CAPZA1: variants seen among roughly 807,000 people sequenced by gnomAD.
The protein encoded by CAPZA1 is capping actin protein of muscle Z-line subunit alpha 1.
Under a neutral mutation model 40.8 loss-of-function variants are expected in CAPZA1, and 10 were observed. The observed-to-expected ratio is 0.25, with a 90% CI of 0.15 to 0.42. The LOEUF (loss-of-function observed/expected upper bound fraction) is 0.42, where lower values mean the gene tolerates loss of function less well. Ranked by LOEUF, CAPZA1 falls within the 10% of genes least tolerant of loss-of-function variation. The pLI is 1.00. For missense variants in CAPZA1, 277 were observed against 353.8 expected (o/e 0.78, Z 1.74); for synonymous variants, 98 against 115.0 (o/e 0.85, Z 0.95).
intron 1 of CAPZA1, among the ~76,000 whole-genome samples, chr1:112,633,986 C>A (rs1015876772): frequency 6.6e-6 from 1 of 152,062 alleles, no homozygotes; most frequent in Non-Finnish European, 1.5e-5. Context: ...TTGGTATTAG[C>A]CCTTTATCAG....
chr1:112,620,215 A>G (rs1190912960), intron 1 of CAPZA1: 1 of 246,320 alleles, frequency 4.1e-6, no homozygotes, highest in Non-Finnish European at 7.8e-6. Flanking sequence ...ATGTTGCGAC[A>G]TATCAAAAAG....
chr1:112,621,547 C>A (rs1031979865), intron 1 of CAPZA1, among the ~76,000 whole-genome samples: 8 of 151,982 alleles, frequency 5.3e-5, no homozygotes, highest in African/African-American at 1.9e-4. Context: ...CCACCGCGGC[C>A]GGCCAAAATT....
intron 8 of CAPZA1, 34 bp downstream of exon 8, chr1:112,667,179 A>G (rs746377462): frequency 2.1e-6 from 3 of 1,440,052 alleles, no homozygotes; most frequent in South Asian, 2.4e-5. Flanking sequence ...TGTCTTACTC[A>G]TGTCTCGTTT....
At chr1:112,669,936 G>A in intron 9 of CAPZA1, 56 bp from the exon 10 acceptor site, 1 of 1,603,798 alleles carries the variant, frequency 6.2e-7, no homozygotes, top group Non-Finnish European at 8.5e-7. Context: ...TTACTTTTCT[G>A]TTCACAACCA....
chr1:112,622,800 A>G (rs1271022018), intron 1 of CAPZA1, among the ~76,000 whole-genome samples: 1 of 152,212 alleles, frequency 6.6e-6, no homozygotes, highest in Admixed American at 6.5e-5. Flanking sequence ...AAGTTTATCA[A>G]AATTATTTAG....
At chr1:112,666,580 TTCTG>T (rs1274284802) in intron 7 of CAPZA1, among the ~76,000 whole-genome samples, 1 of 152,234 alleles carries the variant, frequency 6.6e-6, no homozygotes, top group Admixed American at 6.5e-5. Flanking sequence ...ATATTTGTTT[TTCTG>T]TCCTGTCTTT....
chr1:112,649,676 T>C, intron 3 of CAPZA1: 2 of 513,012 alleles, frequency 3.9e-6, no homozygotes, highest in Non-Finnish European at 6.8e-6. Context: ...ATATATGAAC[T>C]AGTTTTTATT....
intron 3 of CAPZA1, 69 bp downstream of exon 3, chr1:112,649,538 A>G (rs1298362788): frequency 8.1e-7 from 1 of 1,236,258 alleles, no homozygotes; most frequent in African/African-American, 1.5e-5. Context: ...ACAGTAAACT[A>G]GCACCCTGAA....
chr1:112,650,644 A>T (rs373894398), intron 3 of CAPZA1, among the ~76,000 whole-genome samples: 6 of 152,326 alleles, frequency 3.9e-5, no homozygotes, highest in African/African-American at 1.4e-4. Flanking sequence ...AAGTTCTTCA[A>T]TTTGCCTGCC....
chr1:112,665,472 G>T (rs188413473), intron 7 of CAPZA1, among the ~76,000 whole-genome samples: 1 of 152,086 alleles, frequency 6.6e-6, no homozygotes, highest in South Asian at 2.1e-4. Flanking sequence ...AAACCACCGC[G>T]CCCGGCCTTG....
intron 3 of CAPZA1, among the ~76,000 whole-genome samples, chr1:112,652,018 G>A (rs980824511): frequency 4.6e-5 from 7 of 152,114 alleles, no homozygotes; most frequent in African/African-American, 1.7e-4. Context: ...TTACTTGGGA[G>A]GCTGAGGCAG....
In CAPZA1 at chr1:112,623,067, A is replaced by G. The variant is rs373072486; in HGVS notation, c.39+3184A>G. Among the ~76,000 whole-genome samples, 49 of 152,078 alleles carry G rather than the reference A, an allele frequency of 3.2e-4. 1 individual carries two copies. The South Asian group carries it at 9.6e-3, about 30-fold the overall frequency. The stretch of plus-strand genomic sequence containing the variant: ...CACCCGGCTAATTTTTTGTATTTTT[A>G]GTAGAGACAGGGTTTCAATATGTTG... On this transcript the variant is annotated intron_variant, in intron 1 of 9. Transcript: ENST00000263168.
chr1:112,644,087 C>T (rs1250264642), intron 1 of CAPZA1, among the ~76,000 whole-genome samples: 2 of 151,626 alleles, frequency 1.3e-5, no homozygotes, highest in Non-Finnish European at 2.9e-5. Context: ...TCAAATGATC[C>T]ACCTGCCTCA....
intron 3 of CAPZA1, among the ~76,000 whole-genome samples, chr1:112,652,719 T>C (rs968445891): frequency 6.6e-6 from 1 of 152,100 alleles, no homozygotes; most frequent in African/African-American, 2.4e-5. Flanking sequence ...CAGTCTATTT[T>C]AATAGGTTAA....
chr1:112,669,006 A>G (rs540854599), intron 8 of CAPZA1, among the ~76,000 whole-genome samples: 9 of 152,324 alleles, frequency 5.9e-5, no homozygotes, highest in Middle Eastern at 3.4e-3. Flanking sequence ...GTTGTACTTA[A>G]TGGTAACAGG....
intron 6 of CAPZA1, 153 bp downstream of exon 6, chr1:112,659,254 G>A (rs545948980): frequency 4.1e-5 from 25 of 607,898 alleles, no homozygotes; most frequent in African/African-American, 3.9e-4. Flanking sequence ...CAGTTCTAAG[G>A]TTTTATAATT....
intron 1 of CAPZA1, among the ~76,000 whole-genome samples, chr1:112,629,472 T>C (rs180955510): frequency 1.3e-5 from 2 of 152,350 alleles, no homozygotes; most frequent in East Asian, 3.9e-4. Flanking sequence ...GACAGTATGC[T>C]AGTGAGTCAC....
At chr1:112,657,694 C>T (rs773348050) in intron 5 of CAPZA1, among the ~76,000 whole-genome samples, 5 of 151,982 alleles carry the variant, frequency 3.3e-5, no homozygotes, top group Admixed American at 6.6e-5. Flanking sequence ...CAGGTTCAAG[C>T]GATTTTCCTG....
intron 7 of CAPZA1, among the ~76,000 whole-genome samples, chr1:112,660,357 C>T (rs909860068): frequency 1.3e-5 from 2 of 152,146 alleles, no homozygotes; most frequent in South Asian, 2.1e-4. Context: ...CTCGGCTCTT[C>T]GCAATCTCTG....
Sources: gnomAD v4.1 joint callset for allele counts (sites outside exome capture counted in the v4.1 genomes callset) on GRCh38, gnomAD v4.1.1 for gene constraint, MANE v1.5 for transcripts, NCBI Gene and HGNC (gene_info 2026-07-23, HGNC 2026-07-21) for gene names.